IQGAP2: variants seen among roughly 807,000 people sequenced by gnomAD.
IQGAP2 encodes the protein ras GTPase-activating-like protein IQGAP2.
A neutral mutation model predicts 201.3 loss-of-function variants in IQGAP2; 173 were observed. The ratio of observed to expected loss-of-function variants is 0.86; its 90% CI spans 0.76 to 0.98. IQGAP2 has a LOEUF of 0.98. Ranked by LOEUF, IQGAP2 falls within the 50% of genes least tolerant of loss-of-function variation. The pLI, the probability that IQGAP2 is intolerant of heterozygous loss-of-function variation, is 0.00. For missense variants in IQGAP2, 1,687 were observed against 1,864.8 expected (o/e 0.90, Z 1.76); for synonymous variants, 675 against 673.9 (o/e 1.00, Z -0.03).
chr5:76,563,260 C>A (rs1304249897), intron 3 of IQGAP2, among the ~76,000 whole-genome samples: 2 of 151,856 alleles, frequency 1.3e-5, no homozygotes, highest in Non-Finnish European at 2.9e-5. Context: ...GAAGAAAGAT[C>A]AACAATAAAA....
chr5:76,575,927 G>A (rs968539059), intron 5 of IQGAP2, among the ~76,000 whole-genome samples, 158 bp downstream of exon 5: 2 of 152,106 alleles, frequency 1.3e-5, no homozygotes, highest in African/African-American at 4.8e-5. Flanking sequence ...TAAAATAATG[G>A]TCACATATAA....
chr5:76,654,794 T>C, intron 19 of IQGAP2, 140 bp from the exon 20 acceptor site: 1 of 584,418 alleles, frequency 1.7e-6, no homozygotes, highest in Non-Finnish European at 3.0e-6. Context: ...AAAATAAATG[T>C]TGAATACACC....
chr5:76,424,328 A>G (rs1451018584), intron 1 of IQGAP2, among the ~76,000 whole-genome samples: 1 of 150,980 alleles, frequency 6.6e-6, no homozygotes, highest in Non-Finnish European at 1.5e-5. Context: ...TTATTTTTTG[A>G]GACGAAGTTT....
At chr5:76,616,949 C>G (rs1285738932) in intron 13 of IQGAP2, 1 of 152,212 alleles carries the variant, frequency 6.6e-6, no homozygotes, top group Non-Finnish European at 1.5e-5. Flanking sequence ...AGGCAGCCAC[C>G]AGCATGAGAG....
chr5:76,693,524 C>T (rs551858841), intron 31 of IQGAP2, 82 bp downstream of exon 31: 1 of 911,820 alleles, frequency 1.1e-6, no homozygotes, highest in East Asian at 2.6e-5. Context: ...TTTATTATCT[C>T]AGAGAAACTG....
chr5:76,479,273 G>C (rs1040136648), intron 2 of IQGAP2, among the ~76,000 whole-genome samples: 1 of 152,208 alleles, frequency 6.6e-6, no homozygotes, highest in African/African-American at 2.4e-5. Context: ...GGCCTGTGCA[G>C]AATGGGTGCT....
At chr5:76,666,472 T>C (rs1743765630) in intron 22 of IQGAP2, among the ~76,000 whole-genome samples, 1 of 152,214 alleles carries the variant, frequency 6.6e-6, no homozygotes, top group Non-Finnish European at 1.5e-5. Context: ...TAAAATCTAG[T>C]CATTGTTTAT....
At chr5:76,595,438 AT>A (rs35033084) in intron 9 of IQGAP2, among the ~76,000 whole-genome samples, 77,922 of 150,434 alleles carry the variant, frequency 0.52, 20,808 homozygotes, top group South Asian at 0.71. Context: ...ATCTTACCTT[AT>A]TTTTTTAGAA....
chr5:76,572,110 T>G (rs958127501), intron 4 of IQGAP2, among the ~76,000 whole-genome samples: 13 of 152,200 alleles, frequency 8.5e-5, no homozygotes, highest in Admixed American at 5.2e-4. Flanking sequence ...TGTAATCATA[T>G]AGCGGGTATC....
intron 2 of IQGAP2, among the ~76,000 whole-genome samples, chr5:76,466,628 A>T (rs1754797820): frequency 6.6e-6 from 1 of 152,220 alleles, no homozygotes; most frequent in Non-Finnish European, 1.5e-5. Context: ...TCAACAGAGG[A>T]TGCTGACTAC....
At chr5:76,620,671 G>A (rs893248258) in intron 13 of IQGAP2, among the ~76,000 whole-genome samples, 4 of 152,156 alleles carry the variant, frequency 2.6e-5, no homozygotes, top group African/African-American at 9.7e-5. Flanking sequence ...AATTTAATGG[G>A]AGTGGTTGAG....
chr5:76,563,425 T>A (rs1194766778), intron 3 of IQGAP2, among the ~76,000 whole-genome samples: 4 of 152,156 alleles, frequency 2.6e-5, no homozygotes, highest in African/African-American at 9.7e-5. Flanking sequence ...TTCAAAATAA[T>A]TGAGGGGAAG....
At chr5:76,600,325 A>G (rs972241486) in intron 10 of IQGAP2, among the ~76,000 whole-genome samples, 3 of 152,158 alleles carry the variant, frequency 2.0e-5, no homozygotes, top group African/African-American at 7.2e-5. Context: ...TTTTGAATTA[A>G]ATCAGTAGTC....
chr5:76,617,950 C>T lies in IQGAP2; in HGVS notation c.1521+6767C>T, dbSNP rs371830993. ...TAGAGTTGGAAGGGAGATGAGGACT[C>T]GCAAGTGTTGTGAACATCATGGCAG... On this transcript the variant is annotated intron_variant, in intron 13 of 35. Coordinates refer to ENST00000274364, the MANE Select transcript of IQGAP2 (RefSeq NM_006633.5). The T allele has an allele frequency of 8.7e-6, 14 of 1,613,938 alleles. No homozygotes were observed. In the East Asian group the frequency reaches 2.2e-4, roughly 26 times the overall value.
chr5:76,677,791 G>A (rs948060098), intron 28 of IQGAP2, among the ~76,000 whole-genome samples: 1 of 152,086 alleles, frequency 6.6e-6, no homozygotes, highest in Non-Finnish European at 1.5e-5. Context: ...AACTAGCCGG[G>A]TTTGGTGGTA....
At chr5:76,435,725 ATGT>A (rs1207009883) in intron 1 of IQGAP2, among the ~76,000 whole-genome samples, 3 of 151,998 alleles carry the variant, frequency 2.0e-5, no homozygotes, top group Non-Finnish European at 4.4e-5. Context: ...TGTGAAAATG[ATGT>A]TGGTATTTTG....
At chr5:76,562,223 T>C (rs1408439661) in intron 2 of IQGAP2, among the ~76,000 whole-genome samples, 173 bp from the exon 3 acceptor site, 1 of 152,168 alleles carries the variant, frequency 6.6e-6, no homozygotes, top group African/African-American at 2.4e-5. Flanking sequence ...TCGTCTCATG[T>C]TCAAAATCCC....
Position 76,588,890 on chromosome 5 carries a change from T to C in IQGAP2, c.459-16T>C. On this transcript the variant is annotated splice_polypyrimidine_tract_variant and intron_variant, in intron 5 of 35. Transcript: ENST00000274364. ...GATGATAAAATTTCTGATAATTTTG[T>C]GTTTTTTTCTTTCAGTTTGTATCTG... The C allele has an allele frequency of 3.3e-6, 5 of 1,517,548 alleles. No individual in the cohort carries two copies. The highest frequency in any genetic ancestry group is 4.5e-6 in the Non-Finnish European group (5 of 1,103,928). 94.0% of individuals were successfully genotyped at this position (1,517,548 alleles called of 1,614,324 possible). A position where few individuals can be genotyped will look rare whatever the true frequency, so the allele number is the denominator to read the frequency against.
At chr5:76,689,247 A>AAAAAAAAAG (rs1746059654) in intron 30 of IQGAP2, among the ~76,000 whole-genome samples, 1 of 149,728 alleles carries the variant, frequency 6.7e-6, no homozygotes, top group Non-Finnish European at 1.5e-5. Flanking sequence ...AAAAAAAAAA[A>AAAAAAAAAG]AAAAAAAAAC....
Sources: allele counts gnomAD v4.1 joint callset (sites outside exome capture counted in the v4.1 genomes callset), GRCh38; gene constraint gnomAD v4.1.1; transcripts MANE v1.5; gene names NCBI Gene and HGNC (gene_info 2026-07-23, HGNC 2026-07-21).